Variants in INPP5A observed in about 807,000 individuals in gnomAD.
The protein encoded by INPP5A is 43 kDa inositol polyphosphate 5-phophatase.
INPP5A carries 14 observed loss-of-function variants against 65.2 expected under a neutral mutation model. The ratio of observed to expected loss-of-function variants is 0.21; its 90% CI spans 0.14 to 0.34. The LOEUF (loss-of-function observed/expected upper bound fraction) is 0.34, where lower values mean the gene tolerates loss of function less well. Among genes scored for constraint, INPP5A ranks in the 10% least tolerant of loss-of-function variants. The pLI is 1.00. For missense variants in INPP5A, 431 were observed against 545.6 expected (o/e 0.79, Z 2.09); for synonymous variants, 207 against 208.3 (o/e 0.99, Z 0.05).
chr10:132,578,570 T>TCAGGAGAGTGTGCGGGGCGTCTCATA (rs1554930164), intron 1 of INPP5A, among the ~76,000 whole-genome samples: 1 of 142,760 alleles, frequency 7.0e-6, no homozygotes, highest in Non-Finnish European at 1.5e-5. Flanking sequence ...AGGGGCTCTG[T>TCAGGAGAGTGTGCGGGGCGTCTCATA]CAGGAGAGTG....
At chr10:132,770,005 C>T (rs906768671) in intron 12 of INPP5A, among the ~76,000 whole-genome samples, 7 of 152,216 alleles carry the variant, frequency 4.6e-5, no homozygotes, top group Admixed American at 6.5e-5. Flanking sequence ...CCTCGGTGGC[C>T]GCTCCACTGG....
chr10:132,708,440 C>T (rs759023005), intron 7 of INPP5A, 75 bp downstream of exon 7: 2 of 1,400,100 alleles, frequency 1.4e-6, no homozygotes, highest in Admixed American at 3.3e-5. Context: ...CGGCATGTTC[C>T]ACACACCTCA....
At chr10:132,661,842 C>G (rs1163654776) in intron 4 of INPP5A, among the ~76,000 whole-genome samples, 2 of 152,174 alleles carry the variant, frequency 1.3e-5, no homozygotes, top group African/African-American at 4.8e-5. Flanking sequence ...AAACAGATCA[C>G]AGAACATTAT....
chr10:132,608,824 C>G (rs902544326), intron 2 of INPP5A, among the ~76,000 whole-genome samples: 31 of 152,146 alleles, frequency 2.0e-4, no homozygotes, highest in Admixed American at 2.0e-4. Flanking sequence ...TGGAGATGGG[C>G]TGGGGAGGCC....
chr10:132,652,722 C>T (rs977956328), intron 4 of INPP5A, among the ~76,000 whole-genome samples: 1 of 152,218 alleles, frequency 6.6e-6, no homozygotes, highest in Non-Finnish European at 1.5e-5. Flanking sequence ...AGTGAAGGGA[C>T]GGAGGAGGAT....
chr10:132,701,077 C>T (rs899387484), intron 6 of INPP5A, among the ~76,000 whole-genome samples: 5 of 152,292 alleles, frequency 3.3e-5, no homozygotes, highest in African/African-American at 4.8e-5. Context: ...AGCGGGCCTT[C>T]GGCGTGAGGG....
intron 1 of INPP5A, among the ~76,000 whole-genome samples, chr10:132,602,893 G>T (rs2071794756): frequency 6.6e-6 from 1 of 152,060 alleles, no homozygotes. Flanking sequence ...CTTTCCTTTT[G>T]TGTCTAGAAA....
chr10:132,751,803 G>T (rs1162346285), intron 11 of INPP5A, among the ~76,000 whole-genome samples: 7 of 148,594 alleles, frequency 4.7e-5, no homozygotes, highest in Admixed American at 4.6e-4. Flanking sequence ...TGCCCAGGAG[G>T]TGTCTGGGTG....
intron 4 of INPP5A, among the ~76,000 whole-genome samples, chr10:132,677,844 A>C (rs1890177): frequency 0.41 from 62,617 of 152,106 alleles, 13,059 homozygotes; most frequent in African/African-American, 0.47. Flanking sequence ...GGGTTCAGCA[A>C]CCCGCGTGCA....
intron 1 of INPP5A, among the ~76,000 whole-genome samples, chr10:132,544,694 C>T (rs2070947691): frequency 6.6e-6 from 1 of 152,068 alleles, no homozygotes; most frequent in Non-Finnish European, 1.5e-5. Context: ...GATTTTTAGA[C>T]TTTTGGAATA....
At chr10:132,633,482 C>G (rs1191295231) in intron 2 of INPP5A, among the ~76,000 whole-genome samples, 1 of 152,208 alleles carries the variant, frequency 6.6e-6, no homozygotes, top group African/African-American at 2.4e-5. Context: ...GGTGAGGCCA[C>G]TGCAGGTGCC....
chr10:132,662,808 C>T (rs1056272462), intron 4 of INPP5A, among the ~76,000 whole-genome samples: 1 of 152,172 alleles, frequency 6.6e-6, no homozygotes, highest in African/African-American at 2.4e-5. Flanking sequence ...CAATCCAGAG[C>T]CAAGTGTAAA....
intron 1 of INPP5A, among the ~76,000 whole-genome samples, chr10:132,589,798 ACT>A (rs2133311649): frequency 6.6e-6 from 1 of 151,742 alleles, no homozygotes; most frequent in South Asian, 2.1e-4. Flanking sequence ...CTGGCTTTCC[ACT>A]CTCGCCCTGT....
chr10:132,634,849 C>T (rs1254174098), intron 2 of INPP5A, among the ~76,000 whole-genome samples: 1 of 152,256 alleles, frequency 6.6e-6, no homozygotes, highest in Non-Finnish European at 1.5e-5. Flanking sequence ...CGCAGCCCTC[C>T]CAGGCTCATG....
At chr10:132,544,148 C>T (rs894222917) in intron 1 of INPP5A, among the ~76,000 whole-genome samples, 1 of 152,262 alleles carries the variant, frequency 6.6e-6, no homozygotes, top group African/African-American at 2.4e-5. Flanking sequence ...CACCCTTCTC[C>T]CTTCCTGGGA....
chr10:132,755,499 T>A (rs1846584820), intron 11 of INPP5A, among the ~76,000 whole-genome samples: 1 of 142,822 alleles, frequency 7.0e-6, no homozygotes, highest in Admixed American at 6.9e-5. Context: ...AGTGGGTGTG[T>A]GCATGAGAGC....
At chr10:132,755,537 T>G (rs913760565) in intron 11 of INPP5A, among the ~76,000 whole-genome samples, 3 of 140,300 alleles carry the variant, frequency 2.1e-5, no homozygotes, top group Non-Finnish European at 4.5e-5. Context: ...TGAGCAGGCA[T>G]ATGCATATGA....
At chr10:132,776,453 T>G (rs1214239156) in intron 12 of INPP5A, among the ~76,000 whole-genome samples, 1 of 152,158 alleles carries the variant, frequency 6.6e-6, no homozygotes, top group Non-Finnish European at 1.5e-5. Flanking sequence ...AATCCGCAGC[T>G]GAGGTGCCGG....
intron 2 of INPP5A, among the ~76,000 whole-genome samples, chr10:132,636,941 T>C (rs1177644800): frequency 1.3e-5 from 2 of 152,206 alleles, no homozygotes; most frequent in African/African-American, 4.8e-5. Flanking sequence ...CTCTTTGAGA[T>C]GGAGCCTCGC....
Sources: allele counts gnomAD v4.1 joint callset (sites outside exome capture counted in the v4.1 genomes callset), GRCh38; gene constraint gnomAD v4.1.1; transcripts MANE v1.5; gene names NCBI Gene and HGNC (gene_info 2026-07-23, HGNC 2026-07-21).